Variants in PHKA2 observed in about 807,000 individuals in gnomAD.
PHKA2 encodes the protein phosphorylase b kinase regulatory subunit alpha, liver isoform.
Under a neutral mutation model 102.0 loss-of-function variants are expected in PHKA2, and 31 were observed. That is an observed-to-expected ratio of 0.30 (90% confidence interval 0.23 to 0.41). The LOEUF (loss-of-function observed/expected upper bound fraction) is 0.41, where lower values mean the gene tolerates loss of function less well. PHKA2 is among the 10% of genes least tolerant of loss of function. PHKA2 has a pLI of 1.00. For missense variants in PHKA2, 858 were observed against 1,023.1 expected (o/e 0.84, Z 2.20); for synonymous variants, 455 against 416.2 (o/e 1.09, Z -1.13).
At chrX:18,935,453 C>T (rs776776439) in intron 11 of PHKA2, among the ~76,000 whole-genome samples, 4 of 111,805 alleles carry the variant, frequency 3.6e-5, no homozygotes, top group Middle Eastern at 4.6e-3. Context: ...AATGGGTTTA[C>T]GCTCTTTAGA....
chrX:18,922,241 C>T (rs760905480), intron 17 of PHKA2, among the ~76,000 whole-genome samples: 3 of 108,906 alleles, frequency 2.8e-5, no homozygotes, highest in East Asian at 2.9e-4. Context: ...AGTGAAACTC[C>T]GTTTCAAAAA....
intron 19 of PHKA2, among the ~76,000 whole-genome samples, chrX:18,915,803 A>C (rs1050990776): frequency 4.5e-5 from 5 of 111,606 alleles, no homozygotes; most frequent in African/African-American, 1.6e-4. Flanking sequence ...GGCTTTCAGG[A>C]CAAGACAGAA....
rs764540476 is a variant in PHKA2 at position 18,953,101 on chromosome X, G to A, written c.238-560C>T. Among the ~76,000 whole-genome samples the A allele has an allele frequency of 3.6e-5, 4 of 112,208 alleles. No individual in the cohort carries two copies. In the South Asian group the frequency reaches 1.1e-3, roughly 31 times the overall value. On this transcript the variant is annotated intron_variant, in intron 2 of 32. Transcript: ENST00000379942. The stretch of plus-strand genomic sequence containing the variant: ...ATACATGAGACACCATGTCACAGAC[G>A]ATCCACTGACCGTGAGGCCATCGAA...
chrX:18,959,960 G>A (rs1409829618), intron 1 of PHKA2, among the ~76,000 whole-genome samples: 4 of 111,194 alleles, frequency 3.6e-5, no homozygotes, highest in East Asian at 5.6e-4. Flanking sequence ...TAGAAACTGA[G>A]TTTCATCAAA....
intron 30 of PHKA2, chrX:18,895,413 C>G: frequency 2.2e-6 from 1 of 449,218 alleles, no homozygotes; most frequent in Middle Eastern, 6.1e-4. Context: ...AGGCATCTTT[C>G]AGATCTCCCC....
intron 3 of PHKA2, among the ~76,000 whole-genome samples, chrX:18,952,273 G>A (rs1234352008): frequency 1.1e-5 from 1 of 92,862 alleles, no homozygotes; most frequent in African/African-American, 4.1e-5. Flanking sequence ...TGAGGTTGCA[G>A]TGAGCCATGA....
chrX:18,975,386 C>T (rs768043880), intron 1 of PHKA2, among the ~76,000 whole-genome samples: 28 of 112,033 alleles, frequency 2.5e-4, no homozygotes, highest in African/African-American at 8.4e-4. Flanking sequence ...CTTGCTCCTC[C>T]TTGTCTTCCG....
chrX:18,962,897 G>GA (rs1330667399), intron 1 of PHKA2, among the ~76,000 whole-genome samples: 1 of 112,059 alleles, frequency 8.9e-6, no homozygotes, highest in African/African-American at 3.2e-5. Flanking sequence ...AGCATAGCCA[G>GA]AGGAGGGTGA....
chrX:18,960,290 C>G (rs1209008484), intron 1 of PHKA2, among the ~76,000 whole-genome samples: 1 of 112,203 alleles, frequency 8.9e-6, no homozygotes, highest in Non-Finnish European at 1.9e-5. Context: ...CCAGGCTACT[C>G]AAGCAACTTG....
intron 1 of PHKA2, among the ~76,000 whole-genome samples, chrX:18,964,893 C>A (rs1286311197): frequency 8.9e-6 from 1 of 112,368 alleles, no homozygotes; most frequent in Non-Finnish European, 1.9e-5. Flanking sequence ...AAAGGGATCA[C>A]AGGTGTGCAA....
intron 1 of PHKA2, among the ~76,000 whole-genome samples, chrX:18,964,237 C>T (rs2048907943): frequency 9.0e-6 from 1 of 110,997 alleles, no homozygotes; most frequent in African/African-American, 3.3e-5. Context: ...GCTTGCTCCT[C>T]CCTCTGCCTG....
intron 5 of PHKA2, among the ~76,000 whole-genome samples, chrX:18,946,260 G>A (rs1249330247): frequency 1.8e-5 from 2 of 110,590 alleles, no homozygotes; most frequent in Non-Finnish European, 3.8e-5. Flanking sequence ...ATTGAGACTC[G>A]GGCATCCTAG....
chrX:18,945,766 T>C (rs1397544931), intron 5 of PHKA2, among the ~76,000 whole-genome samples: 1 of 111,295 alleles, frequency 9.0e-6, no homozygotes, highest in Non-Finnish European at 1.9e-5. Context: ...CATGTGTACC[T>C]AATGTATAAT....
chrX:18,896,601 GTC>G (rs1330275167), intron 30 of PHKA2: 1 of 146,384 alleles, frequency 6.8e-6, no homozygotes, highest in Non-Finnish European at 1.3e-5. Flanking sequence ...GTGGGGCTCA[GTC>G]ACATCGCTGA....
At chrX:18,914,804 T>C (rs192141015) in intron 19 of PHKA2, among the ~76,000 whole-genome samples, 2 of 111,697 alleles carry the variant, frequency 1.8e-5, no homozygotes, top group Non-Finnish European at 3.8e-5. Context: ...CACTAGGAGA[T>C]TGTAGAGTAT....
chrX:18,908,970 C>A, intron 20 of PHKA2, 36 bp from the exon 21 acceptor site: 1 of 1,209,059 alleles, frequency 8.3e-7, no homozygotes, highest in Non-Finnish European at 1.1e-6. Context: ...GGGAGATGGG[C>A]TAGGCATGGA....
chrX:18,942,139 G>A (rs1306190151), intron 7 of PHKA2, among the ~76,000 whole-genome samples: 2 of 112,017 alleles, frequency 1.8e-5, no homozygotes, highest in Non-Finnish European at 3.8e-5. Flanking sequence ...TAAAGGAGGA[G>A]TCAAATCCAG....
intron 1 of PHKA2, among the ~76,000 whole-genome samples, chrX:18,982,958 A>G (rs1485272203): frequency 8.9e-6 from 1 of 112,454 alleles, no homozygotes; most frequent in African/African-American, 3.2e-5. Context: ...AGTGCTTTGC[A>G]TATAACAGAT....
At chrX:18,980,698 C>G (rs1384250776) in intron 1 of PHKA2, among the ~76,000 whole-genome samples, 1 of 111,602 alleles carries the variant, frequency 9.0e-6, no homozygotes, top group Non-Finnish European at 1.9e-5. Flanking sequence ...ACTCAGAGAC[C>G]GGTGCCGGTG....
Sources: gnomAD v4.1 joint callset for allele counts (sites outside exome capture counted in the v4.1 genomes callset) on GRCh38, gnomAD v4.1.1 for gene constraint, MANE v1.5 for transcripts, NCBI Gene and HGNC (gene_info 2026-07-23, HGNC 2026-07-21) for gene names.